The following PTPRT variants were observed in gnomAD, a reference collection of about 807,000 sequenced individuals.
The protein encoded by PTPRT is receptor-type tyrosine-protein phosphatase T.
In PTPRT, 56 loss-of-function variants were observed where a neutral mutation model predicts 176.8. The observed-to-expected ratio is 0.32, with a 90% CI of 0.26 to 0.40. The LOEUF is 0.40. Among genes scored for constraint, PTPRT ranks in the 10% least tolerant of loss-of-function variants. The probability of loss-of-function intolerance (pLI) is 1.00; values close to 1 mark genes in which losing one functional copy is unlikely to be tolerated. For missense variants in PTPRT, 1,540 were observed against 1,908.2 expected (o/e 0.81, Z 3.60); for synonymous variants, 783 against 739.0 (o/e 1.06, Z -0.96).
At chr20:42,252,172 G>T (rs56886492) in intron 13 of PTPRT, among the ~76,000 whole-genome samples, 2,640 of 152,280 alleles carry the variant, frequency 0.017, 74 homozygotes, top group African/African-American at 0.06. Context: ...TGCACGATAG[G>T]GTGGATGGTG....
At chr20:42,806,070 G>A (rs2077603363) in intron 2 of PTPRT, among the ~76,000 whole-genome samples, 1 of 151,268 alleles carries the variant, frequency 6.6e-6, no homozygotes, top group Non-Finnish European at 1.5e-5. Context: ...GAAGATGCAG[G>A]CTCTGGAGCC....
chr20:42,184,517 TCCTTCTTCTTCTTCTTCCTCTTCC>T (rs1990650607), intron 16 of PTPRT, among the ~76,000 whole-genome samples: 2 of 106,178 alleles, frequency 1.9e-5, no homozygotes, highest in Non-Finnish European at 3.9e-5. Context: ...CTCCTCCTCC[TCCTTCTTCTTCTTCTTCCTCTTCC>T]TCTTCTTCTT....
Position 42,199,333 on chromosome 20 carries a change from G to A in PTPRT, c.2398C>T (p.Pro800Ser). ...GTGGGTTTGTCGGCAGAGGCCACAG[G>A]CCCCATCTCCCTCTGGGCTCCACTC... ...TQSGAQREMG[P>S]VASADKPTTK... is the part of the protein sequence containing the mutation. The change falls in exon 16 of 31, where the codon CCT (proline) becomes TCT (serine). Residue 800 changes from proline to serine, a missense_variant. By Grantham distance (74) the Pro-to-Ser change is moderately conservative. Around this residue, in one of 11 missense-constraint regions of PTPRT, gnomAD observed 255 missense variants for 250.1 expected, o/e 1.02. Transcript: ENST00000373187. 2 of 1,614,124 alleles carry A rather than the reference G, an allele frequency of 1.2e-6. No homozygotes were observed. The highest frequency in any genetic ancestry group is 1.7e-6 in the Non-Finnish European group (2 of 1,179,994).
chr20:42,949,298 G>GC (rs1228914584), intron 1 of PTPRT, among the ~76,000 whole-genome samples: 15 of 152,316 alleles, frequency 9.8e-5, no homozygotes, highest in African/African-American at 3.6e-4. Context: ...GAACTTCTGA[G>GC]CCTAGGTCAT....
intron 7 of PTPRT, among the ~76,000 whole-genome samples, chr20:42,672,045 T>G (rs2075421788): frequency 6.6e-6 from 1 of 152,234 alleles, no homozygotes; most frequent in East Asian, 1.9e-4. Flanking sequence ...CTTTTGTGTT[T>G]TTCGGCTCAG....
At chr20:42,290,255 A>G (rs188640923) in intron 12 of PTPRT, among the ~76,000 whole-genome samples, 15 of 152,198 alleles carry the variant, frequency 9.9e-5, no homozygotes, top group Admixed American at 5.2e-4. Flanking sequence ...GGACAGTACA[A>G]TATAATTTCA....
chr20:43,078,886 C>T (rs2011357340), intron 1 of PTPRT, among the ~76,000 whole-genome samples: 1 of 152,178 alleles, frequency 6.6e-6, no homozygotes, highest in African/African-American at 2.4e-5. Flanking sequence ...AAGGAAGCTG[C>T]TCTTCTTGCC....
chr20:42,086,753 A>ATATATATATATATATATATATATATAT (rs60067837), intron 27 of PTPRT, among the ~76,000 whole-genome samples: 1 of 95,546 alleles, frequency 1.0e-5, no homozygotes, highest in Non-Finnish European at 2.0e-5. Flanking sequence ...AAAAAAAAAA[A>ATATATATATATATATATATATATATAT]ATATATATAT....
chr20:42,034,569 C>A, the PTPRT span, among the ~76,000 whole-genome samples: 2 of 152,126 alleles, frequency 1.3e-5, no homozygotes, highest in East Asian at 3.9e-4. Flanking sequence ...TTACAAGGAT[C>A]CTCATGTAGG....
chr20:42,233,985 G>A (rs2056188120), intron 15 of PTPRT, among the ~76,000 whole-genome samples: 1 of 152,128 alleles, frequency 6.6e-6, no homozygotes, highest in African/African-American at 2.4e-5. Context: ...CCAGCACACA[G>A]CACTGTATAA....
intron 7 of PTPRT, among the ~76,000 whole-genome samples, chr20:42,567,668 T>G (rs1244384236): frequency 2.0e-5 from 3 of 152,228 alleles, no homozygotes; most frequent in Non-Finnish European, 4.4e-5. Flanking sequence ...GCCTCACCTA[T>G]TTGTTGTGAA....
intron 16 of PTPRT, among the ~76,000 whole-genome samples, chr20:42,166,323 A>G (rs954781160): frequency 2.0e-5 from 3 of 152,372 alleles, no homozygotes; most frequent in Middle Eastern, 3.4e-3. Flanking sequence ...GCACTGTTCA[A>G]TATGGTAGTC....
At chr20:42,753,374 A>G (rs1006884294) in intron 6 of PTPRT, among the ~76,000 whole-genome samples, 4 of 152,230 alleles carry the variant, frequency 2.6e-5, no homozygotes, top group Non-Finnish European at 5.9e-5. Flanking sequence ...CTTTACATGC[A>G]AGGGACCAGG....
chr20:43,033,711 G>A (rs1303094083), intron 1 of PTPRT, among the ~76,000 whole-genome samples: 1 of 152,180 alleles, frequency 6.6e-6, no homozygotes, highest in Non-Finnish European at 1.5e-5. Flanking sequence ...AATCTGCAAG[G>A]AGCTCAGCAG....
At chr20:42,086,753 A>AT (rs60067837) in intron 27 of PTPRT, among the ~76,000 whole-genome samples, 4 of 95,530 alleles carry the variant, frequency 4.2e-5, no homozygotes, top group African/African-American at 2.0e-4. Flanking sequence ...AAAAAAAAAA[A>AT]ATATATATAT....
chr20:42,551,183 G>A (rs1316635679), intron 7 of PTPRT, among the ~76,000 whole-genome samples: 1 of 151,980 alleles, frequency 6.6e-6, no homozygotes, highest in African/African-American at 2.4e-5. Flanking sequence ...TATGTTTTAT[G>A]GATTTATGCA....
intron 1 of PTPRT, among the ~76,000 whole-genome samples, chr20:43,133,647 C>T (rs1048019658): frequency 1.3e-5 from 2 of 151,434 alleles, no homozygotes; most frequent in African/African-American, 4.9e-5. Flanking sequence ...ACCCGGGAGG[C>T]TGAGGCAGGA....
chr20:42,393,750 T>C (rs1368335291), intron 9 of PTPRT, among the ~76,000 whole-genome samples: 2 of 152,246 alleles, frequency 1.3e-5, no homozygotes, highest in Non-Finnish European at 2.9e-5. Flanking sequence ...TTTTAAATAT[T>C]GTATCCTAAC....
At chr20:42,087,070 T>G (rs1349961494) in intron 27 of PTPRT, among the ~76,000 whole-genome samples, 2 of 151,874 alleles carry the variant, frequency 1.3e-5, no homozygotes, top group East Asian at 3.9e-4. Flanking sequence ...GAAGACATTT[T>G]GATTGTCACA....
Sources: allele counts gnomAD v4.1 joint callset (sites outside exome capture counted in the v4.1 genomes callset), GRCh38; gene constraint gnomAD v4.1.1; regional missense constraint gnomAD v4.1.1; transcripts MANE v1.5; gene names NCBI Gene and HGNC (gene_info 2026-07-23, HGNC 2026-07-21).